The following LAMA2 variants were observed in gnomAD, a reference collection of about 807,000 sequenced individuals.
LAMA2 encodes laminin subunit alpha-2.
In LAMA2, 269 loss-of-function variants were observed where a neutral mutation model predicts 364.8. That is an observed-to-expected ratio of 0.74 (90% CI 0.67 to 0.82). The LOEUF (loss-of-function observed/expected upper bound fraction) is 0.82. Among genes scored for constraint, LAMA2 ranks in the 40% least tolerant of loss-of-function variants. The pLI is 0.00. For missense variants in LAMA2, 3,807 were observed against 3,873.2 expected (o/e 0.98, Z 0.45); for synonymous variants, 1,379 against 1,370.6 (o/e 1.01, Z -0.14).
intron 1 of LAMA2, among the ~76,000 whole-genome samples, chr6:128,949,184 A>G (rs1384671617): frequency 6.6e-6 from 1 of 152,232 alleles, no homozygotes; most frequent in African/African-American, 2.4e-5. Context: ...CTAATTTCTC[A>G]AGGACACGCT....
At chr6:129,453,842 G>C (rs1782813415) in intron 46 of LAMA2, among the ~76,000 whole-genome samples, 2 of 151,498 alleles carry the variant, frequency 1.3e-5, no homozygotes, top group Admixed American at 1.3e-4. Flanking sequence ...TTAAATATTT[G>C]TTTTTATCTT....
intron 29 of LAMA2, among the ~76,000 whole-genome samples, chr6:129,333,694 A>G (rs985020270): frequency 6.6e-6 from 1 of 152,314 alleles, no homozygotes; most frequent in African/African-American, 2.4e-5. Flanking sequence ...TTTGAGAGGA[A>G]GGGGTTAATC....
intron 4 of LAMA2, among the ~76,000 whole-genome samples, chr6:129,135,904 T>G (rs1220744480): frequency 6.6e-6 from 1 of 152,180 alleles, no homozygotes; most frequent in African/African-American, 2.4e-5. Context: ...ATTATATACT[T>G]TAACTGAAGA....
chr6:129,053,309 A>G (rs567090251), intron 2 of LAMA2, among the ~76,000 whole-genome samples: 2 of 151,926 alleles, frequency 1.3e-5, no homozygotes, highest in African/African-American at 2.4e-5. Flanking sequence ...AGTTGATCCA[A>G]CTGCCTCGGC....
chr6:129,135,993 T>A (rs1022968662), intron 4 of LAMA2, among the ~76,000 whole-genome samples: 18 of 152,040 alleles, frequency 1.2e-4, no homozygotes, highest in African/African-American at 4.3e-4. Context: ...TAAAAATAGA[T>A]GTAAAATGAA....
At chr6:129,200,306 G>A (rs28457821) in intron 12 of LAMA2, among the ~76,000 whole-genome samples, 6,722 of 91,520 alleles carry the variant, frequency 0.073, 1,164 homozygotes, top group African/African-American at 0.16. Flanking sequence ...ATACATGTGT[G>A]TATATATATA....
chr6:129,349,149 C>G, intron 30 of LAMA2, 149 bp from the exon 31 acceptor site: 2 of 664,488 alleles, frequency 3.0e-6, no homozygotes, highest in Non-Finnish European at 5.4e-6. Context: ...GACGTCCTAG[C>G]CTTAAATAAG....
intron 26 of LAMA2, 42 bp from the exon 27 acceptor site, chr6:129,315,996 T>C (rs1462932318): frequency 6.2e-7 from 1 of 1,613,966 alleles, no homozygotes; most frequent in South Asian, 1.1e-5. Flanking sequence ...TCAATGGTTT[T>C]GCATTCAGTT....
Position 129,035,930 on chromosome 6 carries a change from G to A in LAMA2, c.113-13988G>A, listed in dbSNP as rs183968818. 4.8e-3 allele frequency among the ~76,000 whole-genome samples: 737 copies of A among 152,038 alleles called. 2 individuals are homozygous for A. Among genetic ancestry groups the A allele is most frequent in the Admixed American group, 8.4e-3 (129 of 15,276 alleles). ...AGTCAGGTGATGTGATGCCCCCAGC[G>A]TTGATCTTTTTGCTTAGAATTGCTT... is the stretch of plus-strand genomic sequence containing the variant. On this transcript the variant is annotated intron_variant, in intron 1 of 64. Coordinates refer to ENST00000421865, the MANE Select transcript of LAMA2 (RefSeq NM_000426.4).
chr6:129,005,209 T>C (rs1001794595), intron 1 of LAMA2, among the ~76,000 whole-genome samples: 6 of 152,208 alleles, frequency 3.9e-5, no homozygotes, highest in African/African-American at 2.4e-5. Context: ...CCCATGAGGT[T>C]AGACCTATAT....
At chr6:128,889,079 T>C (rs1776304389) in intron 1 of LAMA2, among the ~76,000 whole-genome samples, 2 of 152,188 alleles carry the variant, frequency 1.3e-5, no homozygotes, top group African/African-American at 4.8e-5. Context: ...AATATATCAG[T>C]ACCTCAGAAA....
chr6:129,465,185 A>G lies in LAMA2; in HGVS notation c.7196A>G (p.Lys2399Arg), dbSNP rs1454380679. The part of the protein sequence containing the change: ...MSVELTDGHI[K>R]VSYDLGSGMA... ...GTGGAGCTCACTGATGGGCACATAA[A>G]AGTCAGTTACGATCTGGGCTCAGGA... The change falls in exon 51 of 65, where the codon AAA becomes AGA. Residue 2399 changes from lysine (K) to arginine (R), a missense_variant. This residue lies in a region of LAMA2 where 3,333 missense variants were observed against 3,345.7 expected (regional missense o/e 1.00). Transcript: ENST00000421865. The G allele has an allele frequency of 3.7e-6, 6 of 1,611,106 alleles. No homozygotes were observed. Among genetic ancestry groups the G allele is most frequent in the Non-Finnish European group, 5.1e-6 (6 of 1,177,960 alleles).
chr6:129,230,233 G>T (rs1784597231), intron 12 of LAMA2, among the ~76,000 whole-genome samples: 1 of 152,142 alleles, frequency 6.6e-6, no homozygotes, highest in African/African-American at 2.4e-5. Flanking sequence ...TCATTTGAAT[G>T]AATCAAGTGA....
intron 1 of LAMA2, among the ~76,000 whole-genome samples, chr6:128,934,060 A>G (rs936213971): frequency 6.6e-6 from 1 of 152,164 alleles, no homozygotes; most frequent in African/African-American, 2.4e-5. Context: ...TAGAAGCTTT[A>G]TGGTTTCAGG....
At chr6:128,891,696 T>C (rs1227482551) in intron 1 of LAMA2, among the ~76,000 whole-genome samples, 1 of 152,110 alleles carries the variant, frequency 6.6e-6, no homozygotes, top group African/African-American at 2.4e-5. Context: ...GTATACCAAA[T>C]TCAGTTGAGA....
intron 20 of LAMA2, among the ~76,000 whole-genome samples, chr6:129,293,628 T>A (rs1039330857): frequency 6.6e-5 from 10 of 152,020 alleles, no homozygotes; most frequent in African/African-American, 2.4e-4. Context: ...GTGGTTCTCA[T>A]ATCACAGGAC....
At chr6:129,466,101 C>T (rs1050597470) in intron 51 of LAMA2, among the ~76,000 whole-genome samples, 2 of 151,800 alleles carry the variant, frequency 1.3e-5, no homozygotes, top group African/African-American at 4.8e-5. Context: ...AAATTTGTAC[C>T]GTCTTTCATT....
intron 1 of LAMA2, among the ~76,000 whole-genome samples, chr6:128,911,897 A>G (rs1777992747): frequency 6.6e-6 from 1 of 152,114 alleles, no homozygotes; most frequent in Admixed American, 6.6e-5. Context: ...AACACCAACT[A>G]AGTACTTTTT....
chr6:129,438,844 A>G, intron 42 of LAMA2, 82 bp downstream of exon 42: 1 of 789,574 alleles, frequency 1.3e-6, no homozygotes. Context: ...TTTTTTTCTA[A>G]GATTATTCTG....
Sources: allele counts gnomAD v4.1 joint callset (sites outside exome capture counted in the v4.1 genomes callset), GRCh38; gene constraint gnomAD v4.1.1; regional missense constraint gnomAD v4.1.1; transcripts MANE v1.5; gene names NCBI Gene and HGNC (gene_info 2026-07-23, HGNC 2026-07-21).